The following TACR1 variants were observed in gnomAD, a reference collection of about 807,000 sequenced individuals.
TACR1 encodes the protein substance-P receptor.
In TACR1, 25 loss-of-function variants were observed where a neutral mutation model predicts 35.8. That is an observed-to-expected ratio of 0.70 (90% CI 0.51 to 0.98). The LOEUF is 0.98. Ranked by LOEUF, TACR1 falls within the 50% of genes least tolerant of loss-of-function variation. The pLI, the probability that TACR1 is intolerant of heterozygous loss-of-function variation, is 0.00. For missense variants in TACR1, 478 were observed against 522.9 expected, an observed-to-expected ratio of 0.91 and a Z score of 0.84; for synonymous variants, 195 against 206.7, an observed-to-expected ratio of 0.94 and a Z score of 0.48.
chr2:75,084,527 G>T (rs987746104), intron 2 of TACR1, among the ~76,000 whole-genome samples: 25 of 152,210 alleles, frequency 1.6e-4, no homozygotes, highest in African/African-American at 5.5e-4. Flanking sequence ...TGTACCTCTG[G>T]TAGAATTCGG....
At chr2:75,146,381 C>G (rs929612429) in intron 1 of TACR1, among the ~76,000 whole-genome samples, 3 of 152,136 alleles carry the variant, frequency 2.0e-5, no homozygotes, top group African/African-American at 7.2e-5. Context: ...CCTTGGCCCC[C>G]CAAAGTGCTG....
At chr2:75,061,276 A>T (rs993313017) in intron 2 of TACR1, among the ~76,000 whole-genome samples, 5 of 152,106 alleles carry the variant, frequency 3.3e-5, no homozygotes, top group Non-Finnish European at 7.4e-5. Context: ...GGATGAGGGT[A>T]GGAACTTGCT....
chr2:75,053,851 A>G (rs1672518407), intron 2 of TACR1, 96 bp from the exon 3 acceptor site: 1 of 1,508,818 alleles, frequency 6.6e-7, no homozygotes. Flanking sequence ...TTTGGCAGCT[A>G]CCTTTCTCAG....
At chr2:75,176,983 TCA>T (rs1675435304) in intron 1 of TACR1, among the ~76,000 whole-genome samples, 1 of 152,136 alleles carries the variant, frequency 6.6e-6, no homozygotes, top group African/African-American at 2.4e-5. Context: ...AAGATTTCCT[TCA>T]CCTTTTCACT....
chr2:75,059,146 T>C (rs1253532295), intron 2 of TACR1, among the ~76,000 whole-genome samples: 7 of 152,208 alleles, frequency 4.6e-5, no homozygotes, highest in Non-Finnish European at 1.5e-5. Flanking sequence ...CGAAGAGCAT[T>C]GATAGAATCC....
chr2:75,173,505 A>G (rs1442948446), intron 1 of TACR1, among the ~76,000 whole-genome samples: 1 of 152,192 alleles, frequency 6.6e-6, no homozygotes, highest in African/African-American at 2.4e-5. Context: ...TTTTCCATCA[A>G]GGAAGTTGGC....
chr2:75,179,288 G>A (rs995833481), intron 1 of TACR1, among the ~76,000 whole-genome samples: 8 of 151,956 alleles, frequency 5.3e-5, no homozygotes, highest in Non-Finnish European at 1.2e-4. Flanking sequence ...CTTTCAAAAT[G>A]TCTCCCAAAT....
intron 1 of TACR1, among the ~76,000 whole-genome samples, chr2:75,178,105 T>G (rs1279827909): frequency 6.6e-5 from 10 of 152,200 alleles, no homozygotes; most frequent in Admixed American, 3.9e-4. Flanking sequence ...AAGGACAACC[T>G]GGACCCATAT....
intron 2 of TACR1, among the ~76,000 whole-genome samples, chr2:75,060,972 A>G (rs1558539417): frequency 6.6e-6 from 1 of 152,272 alleles, no homozygotes; most frequent in East Asian, 1.9e-4. Flanking sequence ...GTGGGGACCC[A>G]GGGAAGAGGA....
chr2:75,084,579 C>G (rs1038498770), intron 2 of TACR1, among the ~76,000 whole-genome samples: 1 of 152,178 alleles, frequency 6.6e-6, no homozygotes, highest in Non-Finnish European at 1.5e-5. Context: ...GGTTGGTAAG[C>G]TATTAATTAT....
At chr2:75,094,192 A>C (rs1365865296) in intron 2 of TACR1, among the ~76,000 whole-genome samples, 2 of 152,206 alleles carry the variant, frequency 1.3e-5, no homozygotes, top group Non-Finnish European at 2.9e-5. Context: ...AAAAAGCTCT[A>C]CAGTTTTCTA....
chr2:75,138,558 T>TG (rs1558565895), intron 1 of TACR1, among the ~76,000 whole-genome samples: 1 of 152,224 alleles, frequency 6.6e-6, no homozygotes, highest in East Asian at 1.9e-4. Context: ...CCCATCCAGG[T>TG]GGGAGTGTCA....
At chr2:75,060,193 A>G (rs1055994067) in intron 2 of TACR1, among the ~76,000 whole-genome samples, 1 of 152,132 alleles carries the variant, frequency 6.6e-6, no homozygotes, top group Non-Finnish European at 1.5e-5. Flanking sequence ...AGAGTGTGCC[A>G]TGGGAAGTGG....
chr2:75,074,846 T>C (rs1672950474), intron 2 of TACR1, among the ~76,000 whole-genome samples: 1 of 152,154 alleles, frequency 6.6e-6, no homozygotes, highest in Admixed American at 6.5e-5. Context: ...GGAACATCTA[T>C]GTGTGTAGCG....
intron 1 of TACR1, among the ~76,000 whole-genome samples, chr2:75,121,370 G>A (rs527915909): frequency 1.4e-3 from 210 of 152,286 alleles, no homozygotes; most frequent in African/African-American, 4.8e-3. Flanking sequence ...TACATACTTC[G>A]TGAAGAGAAA....
intron 2 of TACR1, among the ~76,000 whole-genome samples, chr2:75,061,234 G>T (rs1038016033): frequency 5.3e-5 from 8 of 151,834 alleles, no homozygotes; most frequent in Admixed American, 5.2e-4. Context: ...GAGACTCCAG[G>T]GGCGGGTACA....
At position 75,073,340 on chromosome 2, in the gene TACR1, C is replaced by G. The variant is rs541409696; in HGVS notation, c.585-19585G>C. On this transcript the variant is annotated intron_variant, in intron 2 of 4. Coordinates refer to ENST00000305249, the MANE Select transcript of TACR1 (RefSeq NM_001058.4). ...GAATTCTCACACAGTCACTTTATTT[C>G]TAAGAGGAGAAGAATGGAGTAGTAG... Among the ~76,000 whole-genome samples the G allele has an allele frequency of 2.3e-4, 35 of 152,298 alleles. No homozygotes were observed. In the South Asian group the frequency reaches 7.2e-3, roughly 32 times the overall value.
At chr2:75,153,183 G>A (rs1280626866) in intron 1 of TACR1, among the ~76,000 whole-genome samples, 1 of 152,208 alleles carries the variant, frequency 6.6e-6, no homozygotes, top group Non-Finnish European at 1.5e-5. Flanking sequence ...TTACAGGCGT[G>A]AGCCACTGCA....
intron 1 of TACR1, among the ~76,000 whole-genome samples, chr2:75,161,242 A>C (rs1394665396): frequency 6.6e-6 from 1 of 152,174 alleles, no homozygotes; most frequent in Non-Finnish European, 1.5e-5. Flanking sequence ...GCTGTTTACT[A>C]AAAGAATTAT....
Sources: allele counts gnomAD v4.1 joint callset (sites outside exome capture counted in the v4.1 genomes callset), GRCh38; gene constraint gnomAD v4.1.1; transcripts MANE v1.5; gene names NCBI Gene and HGNC (gene_info 2026-07-23, HGNC 2026-07-21).